MRPL4: variants seen among roughly 807,000 people sequenced by gnomAD.
MRPL4 encodes large ribosomal subunit protein uL4m.
A neutral mutation model predicts 34.1 loss-of-function variants in MRPL4; 34 were observed. The ratio of observed to expected loss-of-function variants is 1.00; its 90% confidence interval spans 0.76 to 1.33. MRPL4 has a LOEUF of 1.33. Ranked by LOEUF, MRPL4 falls within the 40% of genes most tolerant of loss-of-function variation. MRPL4 has a pLI of 0.00. For synonymous variants in MRPL4, 196 were observed against 188.3 expected (o/e 1.04, Z -0.33); for missense variants, 402 against 434.6 (o/e 0.92, Z 0.67).
chr19:10,259,362 G>A (rs980526968), intron 8 of MRPL4: 2 of 1,386,120 alleles, frequency 1.4e-6, no homozygotes, highest in Non-Finnish European at 1.9e-6. Flanking sequence ...ATGGGAGCCA[G>A]GAGTCCCAGC....
At chr19:10,252,955 G>T (rs2039809592) in intron 3 of MRPL4, 3 of 501,436 alleles carry the variant, frequency 6.0e-6, no homozygotes, top group Non-Finnish European at 1.0e-5. Context: ...TTCAAATCCT[G>T]CCTTCCCCTC....
rs1033710342 is a variant in MRPL4 at position 10,252,388 on chromosome 19, C to A, written c.58-9C>A. ...GGGGTCGTCTCTCACTTTCGCCCAA[C>A]CCTTGCAGGGCCTGAGTTCCCTGGC... On this transcript the variant is annotated splice_polypyrimidine_tract_variant and intron_variant, in intron 1 of 8. Coordinates refer to ENST00000253099, the MANE Select transcript of MRPL4 (RefSeq NM_015956.3). 5 of 1,613,984 alleles carry A rather than the reference C, an allele frequency of 3.1e-6. No individual in the cohort carries two copies. Among genetic ancestry groups the A allele is most frequent in the African/African-American group, 1.3e-5 (1 of 74,916 alleles).
chr19:10,258,839 C>A, intron 8 of MRPL4, 154 bp downstream of exon 8: 1 of 1,571,372 alleles, frequency 6.4e-7, no homozygotes. Flanking sequence ...AATAATCTTT[C>A]CTAAAGAAGT....
Position 10,259,912 on chromosome 19 carries a change from A to G in MRPL4, c.*99A>G. The G allele has an allele frequency of 9.8e-6, 11 of 1,116,776 alleles. No homozygotes were observed. Among genetic ancestry groups the G allele is most frequent in the Non-Finnish European group, 1.4e-5 (11 of 803,262 alleles). The allele number at this position is 1,116,776 out of a possible 1,614,324, so 69.2% of individuals were successfully genotyped here. ...AGGAAGGTGTCACCTGGACCCCTTC[A>G]TTCCACGGAGGAAGCTGAGGCCACA... On this transcript the variant is annotated 3_prime_UTR_variant, in exon 9 of 9. Transcript: ENST00000253099.
chr19:10,255,309 C>G (rs1225796796), intron 4 of MRPL4: 2 of 152,628 alleles, frequency 1.3e-5, no homozygotes, highest in African/African-American at 4.8e-5. Context: ...CAGTCTCTAC[C>G]CCTTCCCCCA....
rs376717443 is a variant in MRPL4, at chr19:10,258,285, G to A, written c.509G>A (p.Arg170Gln). The A allele has an allele frequency of 1.8e-5, 29 of 1,613,952 alleles. No homozygotes were observed. Among genetic ancestry groups the A allele is most frequent in the African/African-American group, 9.3e-5 (7 of 74,904 alleles). Residue 170 changes from arginine (R) to glutamine (Q), a missense_variant, in exon 6 of 9, where the codon CGG becomes CAG. Arg to Gln is a conservative substitution (Grantham distance 43). Transcript: ENST00000253099. The stretch of plus-strand genomic sequence containing the variant: ...TACTACATGCTGCCCATGAAGGTGC[G>A]GGCGCTGGGTCTCAAAGTGGCACTG... ...SYYYMLPMKV[R>Q]ALGLKVALTV... is the part of the protein sequence containing the mutation.
chr19:10,257,778 A>G (rs961546288), intron 5 of MRPL4, among the ~76,000 whole-genome samples: 7 of 151,984 alleles, frequency 4.6e-5, no homozygotes, highest in Admixed American at 2.6e-4. Context: ...TAGCCACTCT[A>G]TGGAATCCAC....
chr19:10,256,866 G>GGGGGGGGGGGGGGGGGGGCC, intron 5 of MRPL4, 41 bp downstream of exon 5: 14 of 378,332 alleles, frequency 3.7e-5, no homozygotes, highest in East Asian at 1.2e-4. Context: ...GGGTGGGGGG[G>GGGGGGGGGGGGGGGGGGGCC]CCAGGGAAGG....
At chr19:10,253,787 A>G (rs1019409723) in intron 3 of MRPL4, among the ~76,000 whole-genome samples, 1 of 111,474 alleles carries the variant, frequency 9.0e-6, no homozygotes, top group African/African-American at 3.5e-5. Flanking sequence ...GACAGACTCC[A>G]TCTCAAAAAA....
chr19:10,252,868 C>G, intron 3 of MRPL4, 167 bp downstream of exon 3: 3 of 1,044,102 alleles, frequency 2.9e-6, no homozygotes, highest in Admixed American at 5.7e-5. Context: ...TGCTGTAGCG[C>G]TGTGTGAGAT....
intron 3 of MRPL4, chr19:10,253,080 G>T: frequency 5.0e-6 from 1 of 199,428 alleles, no homozygotes; most frequent in East Asian, 1.2e-4. Context: ...TTGTTAACTG[G>T]TTTTTGCAAA....
intron 8 of MRPL4, chr19:10,259,187 A>G: frequency 7.7e-7 from 1 of 1,292,228 alleles, no homozygotes. Context: ...AGATGGCGAC[A>G]TGAGCCTAAG....
chr19:10,258,875 C>T lies in MRPL4; in HGVS notation c.739+190C>T, dbSNP rs937566446. On this transcript the variant is annotated intron_variant, in intron 8 of 8. Coordinates refer to ENST00000253099, the MANE Select transcript of MRPL4 (RefSeq NM_015956.3). Reference sequence around the variant, plus strand: ...GCTTGGCTGGGGATGGTGGCTCACGCTTGTAATCCCAGTACTTTGGGAGGC... The same window carrying T: ...GCTTGGCTGGGGATGGTGGCTCACGTTTGTAATCCCAGTACTTTGGGAGGC... 5.3e-6 allele frequency: 8 copies of T among 1,497,786 alleles called. No individual in the cohort carries two copies. The South Asian group carries it at 9.1e-5, about 17-fold the overall frequency. The allele number at this position is 1,497,786 out of a possible 1,614,324, so 92.8% of individuals were successfully genotyped here. A position where few individuals can be genotyped will look rare whatever the true frequency, so the allele number is the denominator to read the frequency against.
At position 10,252,232 on chromosome 19, in the gene MRPL4, C is replaced by CT. The variant is rs776942734; in HGVS notation, c.-22_-21insT. The CT allele has an allele frequency of 6.3e-7, 1 of 1,588,122 alleles. No homozygotes were observed. The highest frequency in any genetic ancestry group is 1.1e-5 in the South Asian group (1 of 89,774). ...AGGCTCCAGTGGCCTTGACCTCCCG[C>CT]GGCGTGGGAGGCTGCGCGGCGATGC... On this transcript the variant is annotated 5_prime_UTR_variant, in exon 1 of 9. Transcript: ENST00000253099.
intron 8 of MRPL4, chr19:10,259,377 C>T (rs2039886384): frequency 1.4e-6 from 2 of 1,399,084 alleles, no homozygotes; most frequent in African/African-American, 3.0e-5. Flanking sequence ...CCCAGCCAGG[C>T]ACAGGACCGA....
In MRPL4 at chr19:10,252,331, C is replaced by T. The variant is rs749827485; in HGVS notation, c.57+21C>T. 11 of 1,612,586 alleles carry T rather than the reference C, an allele frequency of 6.8e-6. No homozygotes were observed. The South Asian group carries it at 1.1e-4, about 16-fold the overall frequency. ...GCCAGGTGAGGCCAGGGGCTGGAGGCGTGGTCGAAGGATGAAATTTGGGGG... is the reference window on the plus strand; with the variant it reads ...GCCAGGTGAGGCCAGGGGCTGGAGGTGTGGTCGAAGGATGAAATTTGGGGG... On this transcript the variant is annotated intron_variant, in intron 1 of 8. Coordinates refer to ENST00000253099, the MANE Select transcript of MRPL4 (RefSeq NM_015956.3).
chr19:10,259,043 G>A, intron 8 of MRPL4: 1 of 1,370,340 alleles, frequency 7.3e-7, no homozygotes, highest in Non-Finnish European at 9.3e-7. Context: ...AGGCTGCAGT[G>A]AGTCATGATC....
chr19:10,252,161 G>T (rs908828067), upstream of MRPL4: 8 of 1,413,850 alleles, frequency 5.7e-6, no homozygotes, highest in African/African-American at 7.4e-5. Context: ...AGTCGCGGCG[G>T]GTAGGGCGGC....
chr19:10,259,910 T>A lies in MRPL4; in HGVS notation c.*97T>A, dbSNP rs1262076103. 8.0e-6 allele frequency: 9 copies of A among 1,127,772 alleles called. No individual in the cohort carries two copies. Among genetic ancestry groups the A allele is most frequent in the African/African-American group, 4.8e-5 (3 of 63,020 alleles). 69.9% of individuals were successfully genotyped at this position (1,127,772 alleles called of 1,614,324 possible). A position where few individuals can be genotyped will look rare whatever the true frequency, so the allele number is the denominator to read the frequency against. The stretch of plus-strand genomic sequence containing the variant: ...CGAGGAAGGTGTCACCTGGACCCCT[T>A]CATTCCACGGAGGAAGCTGAGGCCA... On this transcript the variant is annotated 3_prime_UTR_variant, in exon 9 of 9. Transcript: ENST00000253099.
Sources: allele counts gnomAD v4.1 joint callset (sites outside exome capture counted in the v4.1 genomes callset), GRCh38; gene constraint gnomAD v4.1.1; transcripts MANE v1.5; gene names NCBI Gene and HGNC (gene_info 2026-07-23, HGNC 2026-07-21).